The following UBR3 variants were observed in gnomAD, a reference collection of about 807,000 sequenced individuals.
UBR3 encodes the protein E3 ubiquitin-protein ligase UBR3.
In UBR3, 85 loss-of-function variants were observed where a neutral mutation model predicts 243.2. The ratio of observed to expected loss-of-function variants is 0.35; its 90% CI spans 0.29 to 0.42. UBR3 has a LOEUF of 0.42. UBR3 is among the 10% of genes least tolerant of loss of function. UBR3 has a pLI of 1.00. For missense variants in UBR3, 1,686 were observed against 2,300.8 expected, an observed-to-expected ratio of 0.73 and a Z score of 5.47; for synonymous variants, 748 against 799.8, an observed-to-expected ratio of 0.94 and a Z score of 1.09.
chr2:169,991,890 C>A (rs1434141440), intron 25 of UBR3, among the ~76,000 whole-genome samples: 1 of 152,034 alleles, frequency 6.6e-6, no homozygotes, highest in Non-Finnish European at 1.5e-5. Flanking sequence ...CCTAAAACAA[C>A]ATACTCTTAA....
intron 29 of UBR3, among the ~76,000 whole-genome samples, chr2:170,013,113 A>G (rs1028243534): frequency 2.0e-5 from 3 of 152,180 alleles, no homozygotes; most frequent in African/African-American, 7.2e-5. Flanking sequence ...AAAGCTCGGA[A>G]AACTTCCACT....
At chr2:169,849,292 A>G (rs2082584654) in intron 1 of UBR3, among the ~76,000 whole-genome samples, 1 of 152,258 alleles carries the variant, frequency 6.6e-6, no homozygotes, top group Non-Finnish European at 1.5e-5. Flanking sequence ...GTTTTTCAAT[A>G]ACTAACATAT....
rs1263881154 is a variant in UBR3 at position 169,949,593 on chromosome 2, T to G, written c.3085-12T>G. The G allele has an allele frequency of 1.3e-6, 2 of 1,500,226 alleles. No homozygotes were observed. The highest frequency in any genetic ancestry group is 2.8e-5 in the African/African-American group (2 of 70,524). 92.9% of individuals were successfully genotyped at this position (1,500,226 alleles called of 1,614,324 possible). A position where few individuals can be genotyped will look rare whatever the true frequency, so the allele number is the denominator to read the frequency against. On this transcript the variant is annotated splice_polypyrimidine_tract_variant and intron_variant, in intron 22 of 38. Coordinates refer to ENST00000272793, the MANE Select transcript of UBR3 (RefSeq NM_172070.4). Reference sequence around the variant, plus strand: ...CTCTTGATTTTTCTTTGTTTCTCTTTGTTAATGGTAGAATTCTGGTACAGC... The same window carrying G: ...CTCTTGATTTTTCTTTGTTTCTCTTGGTTAATGGTAGAATTCTGGTACAGC...
At chr2:169,912,317 T>G (rs1264779696) in intron 10 of UBR3, among the ~76,000 whole-genome samples, 1 of 152,194 alleles carries the variant, frequency 6.6e-6, no homozygotes, top group Non-Finnish European at 1.5e-5. Flanking sequence ...CACTATCTAA[T>G]TCCAGAGTAT....
chr2:170,064,511 A>T (rs938189473), intron 35 of UBR3, among the ~76,000 whole-genome samples: 2 of 151,806 alleles, frequency 1.3e-5, no homozygotes, highest in Non-Finnish European at 2.9e-5. Context: ...TAGATTTTTA[A>T]TTCAGTCTGG....
At chr2:169,885,285 A>G (rs777947513) in intron 5 of UBR3, among the ~76,000 whole-genome samples, 5 of 152,188 alleles carry the variant, frequency 3.3e-5, no homozygotes, top group Admixed American at 1.3e-4. Context: ...AATTGTAACA[A>G]TTAAAAGATA....
intron 24 of UBR3, among the ~76,000 whole-genome samples, chr2:169,974,880 CTT>C (rs1017103956): frequency 6.6e-6 from 1 of 152,082 alleles, no homozygotes; most frequent in African/African-American, 2.4e-5. Context: ...TTTCAAGAAA[CTT>C]TTAAATTTCT....
At position 169,949,788 on chromosome 2, in the gene UBR3, T is replaced by C. The variant is rs1335035799; in HGVS notation, c.3268T>C (p.Leu1090=). ...TAILEIKESI[L]SLLIKLHHKL... ...CATTTTGGAAATTAAAGAAAGCATA[T>C]TGTCTTTGCTAATTAAACTTCACCA... Residue 1090 remains leucine (L), a synonymous_variant, in exon 23 of 39, where the codon TTG becomes CTG. Transcript: ENST00000272793. The C allele has an allele frequency of 6.4e-7, 1 of 1,551,818 alleles. No homozygotes were observed. The highest frequency in any genetic ancestry group is 1.2e-5 in the South Asian group (1 of 84,116).
intron 8 of UBR3, among the ~76,000 whole-genome samples, chr2:169,902,334 T>C (rs1559076400): frequency 6.6e-6 from 1 of 152,178 alleles, no homozygotes; most frequent in Non-Finnish European, 1.5e-5. Flanking sequence ...CTTTTTACAT[T>C]ACACTTCTTA....
chr2:169,844,245 C>T (rs1435469402), intron 1 of UBR3, among the ~76,000 whole-genome samples: 6 of 151,996 alleles, frequency 3.9e-5, no homozygotes, highest in South Asian at 4.1e-4. Context: ...GCGATCCACC[C>T]GCCTCAGCCT....
intron 19 of UBR3, 127 bp from the exon 20 acceptor site, chr2:169,942,366 A>T: frequency 1.1e-6 from 1 of 910,904 alleles, no homozygotes; most frequent in African/African-American, 1.7e-5. Flanking sequence ...TTGGCATTTT[A>T]AGCAATTTGA....
At chr2:170,081,692 T>G in intron 38 of UBR3, 34 bp from the exon 39 acceptor site, 23 of 1,469,062 alleles carry the variant, frequency 1.6e-5, no homozygotes, top group Non-Finnish European at 2.0e-5. Context: ...CTTCCGTGTA[T>G]GATATTAATA....
intron 23 of UBR3, among the ~76,000 whole-genome samples, chr2:169,953,166 A>G (rs2087115443): frequency 6.6e-6 from 1 of 152,200 alleles, no homozygotes; most frequent in African/African-American, 2.4e-5. Flanking sequence ...TAAAAATTTT[A>G]AAGGCTTTCT....
In UBR3 at chr2:170,079,713, T is replaced by C. The variant is rs2091875789; in HGVS notation, c.5200-101T>C. On this transcript the variant is annotated intron_variant, in intron 36 of 38. Coordinates refer to ENST00000272793, the MANE Select transcript of UBR3 (RefSeq NM_172070.4). ...TAATAAAGAAAATAAGCCACATTCTTGGAGGCAGATTTTTCTTTCTGTAAA... is the reference window on the plus strand; with the variant it reads ...TAATAAAGAAAATAAGCCACATTCTCGGAGGCAGATTTTTCTTTCTGTAAA... The C allele has an allele frequency of 4.8e-5, 51 of 1,059,630 alleles. No individual in the cohort carries two copies. The South Asian group carries it at 8.4e-4, about 17-fold the overall frequency. The allele number at this position is 1,059,630 out of a possible 1,614,324, so 65.6% of individuals were successfully genotyped here.
chr2:169,879,440 T>G (rs2105315185), intron 5 of UBR3, among the ~76,000 whole-genome samples: 1 of 152,188 alleles, frequency 6.6e-6, no homozygotes, highest in Non-Finnish European at 1.5e-5. Context: ...CAATGTTACA[T>G]TTTGTGGAGT....
intron 23 of UBR3, among the ~76,000 whole-genome samples, chr2:169,951,873 G>C (rs561108350): frequency 2.6e-5 from 4 of 152,226 alleles, no homozygotes; most frequent in African/African-American, 9.6e-5. Flanking sequence ...AGAAATGAGG[G>C]AGATGTCTTG....
rs1444538145 is a variant in UBR3, at chr2:170,009,045, T to G, written c.4367+105T>G. 3 of 773,650 alleles carry G rather than the reference T, an allele frequency of 3.9e-6. No homozygotes were observed. The African/African-American group carries it at 5.5e-5, about 14-fold the overall frequency. 47.9% of individuals were successfully genotyped at this position (773,650 alleles called of 1,614,324 possible). On this transcript the variant is annotated intron_variant, in intron 29 of 38. Coordinates refer to ENST00000272793, the MANE Select transcript of UBR3 (RefSeq NM_172070.4). The stretch of plus-strand genomic sequence containing the variant: ...TTATTTAAAGGATGCATATTTTTAA[T>G]ATCAGTTGAAATTATGGCTAGTTTT...
At chr2:170,020,349 G>A (rs1196884234) in intron 30 of UBR3, among the ~76,000 whole-genome samples, 1 of 152,144 alleles carries the variant, frequency 6.6e-6, no homozygotes, top group African/African-American at 2.4e-5. Flanking sequence ...TGGCTAAAAG[G>A]TGATTTTGTG....
intron 32 of UBR3, among the ~76,000 whole-genome samples, chr2:170,053,600 G>T (rs115215489): frequency 0.012 from 1,820 of 152,316 alleles, 49 homozygotes; most frequent in African/African-American, 0.04. Flanking sequence ...CATCAAACCT[G>T]GCAGTGGTCT....
Sources: gnomAD v4.1 joint callset for allele counts (sites outside exome capture counted in the v4.1 genomes callset) on GRCh38, gnomAD v4.1.1 for gene constraint, MANE v1.5 for transcripts, NCBI Gene and HGNC (gene_info 2026-07-23, HGNC 2026-07-21) for gene names.